The following ZBTB24 variants were observed in gnomAD, a reference collection of about 807,000 sequenced individuals.
The protein encoded by ZBTB24 is zinc finger and BTB domain containing 24.
A neutral mutation model predicts 53.8 loss-of-function variants in ZBTB24; 32 were observed. The observed-to-expected ratio is 0.60, with a 90% confidence interval of 0.45 to 0.80. The LOEUF is 0.80. ZBTB24 is among the 30% of genes least tolerant of loss of function. The pLI, the probability that ZBTB24 is intolerant of heterozygous loss-of-function variation, is 0.00. For synonymous variants in ZBTB24, 297 were observed against 306.7 expected, an observed-to-expected ratio of 0.97 and a Z score of 0.33; for missense variants, 722 against 837.1, an observed-to-expected ratio of 0.86 and a Z score of 1.70.
At chr6:109,473,528 C>T (rs183744832) in intron 5 of ZBTB24, among the ~76,000 whole-genome samples, 2 of 152,330 alleles carry the variant, frequency 1.3e-5, no homozygotes, top group East Asian at 3.9e-4. Flanking sequence ...AAGAGCAACT[C>T]TCTTTCCGGC....
rs749301700 is a variant in ZBTB24 at position 109,481,169 on chromosome 6, T to C, written c.858A>G (p.Arg286=). The change falls in exon 2 of 7, where the codon AGA becomes AGG. Residue 286 remains arginine, a synonymous_variant. Coordinates refer to ENST00000230122, the MANE Select transcript of ZBTB24 (RefSeq NM_014797.3). Reference sequence around the variant, plus strand: ...GGGCCTCAGGGCCTCCAGGGCGCTTTCTCCTTCCACAGATCCTCTTGGCTG... The same window carrying C: ...GGGCCTCAGGGCCTCCAGGGCGCTTCCTCCTTCCACAGATCCTCTTGGCTG... ...HGSAKRICGR[R]KRPGGPEARC... is the part of the protein sequence containing the mutation. The C allele has an allele frequency of 1.5e-5, 24 of 1,614,100 alleles. No homozygotes were observed. Among genetic ancestry groups the C allele is most frequent in the Non-Finnish European group, 1.9e-5 (23 of 1,180,038 alleles).
intron 2 of ZBTB24, among the ~76,000 whole-genome samples, chr6:109,477,624 A>G (rs1776307132): frequency 6.6e-6 from 1 of 152,172 alleles, no homozygotes; most frequent in Non-Finnish European, 1.5e-5. Context: ...CCCCCAAAAG[A>G]GAATGGAGAG....
At chr6:109,479,240 C>G (rs2115364378) in intron 2 of ZBTB24, among the ~76,000 whole-genome samples, 1 of 152,308 alleles carries the variant, frequency 6.6e-6, no homozygotes, top group African/African-American at 2.4e-5. Context: ...ATTCAGAATA[C>G]AGATGCTTCC....
chr6:109,474,732 C>CAAA (rs538851873), intron 5 of ZBTB24, among the ~76,000 whole-genome samples: 195 of 105,636 alleles, frequency 1.8e-3, no homozygotes, highest in Admixed American at 2.2e-3. Context: ...GACTCCGTCT[C>CAAA]AAAAAAAAAA....
At chr6:109,474,309 C>G (rs537924185) in intron 5 of ZBTB24, among the ~76,000 whole-genome samples, 1 of 152,310 alleles carries the variant, frequency 6.6e-6, no homozygotes, top group Admixed American at 6.5e-5. Flanking sequence ...GCCTCCTCGT[C>G]ATCTCTGAAA....
In ZBTB24 at chr6:109,482,909, C is replaced by A. The variant is rs547734977; in HGVS notation, c.-29+189G>T. On this transcript the variant is annotated intron_variant, in intron 1 of 6. Coordinates refer to ENST00000230122, the MANE Select transcript of ZBTB24 (RefSeq NM_014797.3). The stretch of plus-strand genomic sequence containing the variant: ...TTAAGCTGCGTGGGGCCGCCAGACA[C>A]ACTAGGGGCGGCGCGGAGCCCCCCG... Among the ~76,000 whole-genome samples the A allele has an allele frequency of 5.3e-5, 8 of 152,352 alleles. No homozygotes were observed. The East Asian group carries it at 1.5e-3, about 29-fold the overall frequency.
In ZBTB24 at chr6:109,481,227, T is replaced by A. The variant is rs751304056; in HGVS notation, c.800A>T (p.Tyr267Phe). ...GTCCTCTTGATCCCCAACAAGTTTG[T>A]AATCTTTAAGTTTGACGGATCTCCA... Reference protein sequence around the residue: ...RIWRSVKLKDYKLVGDQEDHG... With the variant: ...RIWRSVKLKDFKLVGDQEDHG... The change falls in exon 2 of 7, where the codon TAC (tyrosine) becomes TTC (phenylalanine). Residue 267 changes from tyrosine (Y) to phenylalanine (F), a missense_variant. Tyr to Phe is a conservative substitution (Grantham distance 22, BLOSUM62 3). Coordinates refer to ENST00000230122, the MANE Select transcript of ZBTB24 (RefSeq NM_014797.3). 6.2e-7 allele frequency: 1 copy of A among 1,614,254 alleles called. No individual in the cohort carries two copies. Among genetic ancestry groups the A allele is most frequent in the Admixed American group, 1.7e-5 (1 of 60,030 alleles).
In ZBTB24 at chr6:109,464,124, G is replaced by C. The variant is rs1775976107; in HGVS notation, c.*1727C>G. The C allele has an allele frequency of 6.6e-6, 1 of 152,146 alleles. No homozygotes were observed. Among genetic ancestry groups the C allele is most frequent in the Non-Finnish European group, 1.5e-5 (1 of 68,010 alleles). 9.4% of individuals were successfully genotyped at this position (152,146 alleles called of 1,614,324 possible). ...AATTAAACAGTTTAAACGAGAACCTGAAATAATACTTAGGGCTTAACAGTG... is the reference window on the plus strand; with the variant it reads ...AATTAAACAGTTTAAACGAGAACCTCAAATAATACTTAGGGCTTAACAGTG... On this transcript the variant is annotated 3_prime_UTR_variant, in exon 7 of 7. Coordinates refer to ENST00000230122, the MANE Select transcript of ZBTB24 (RefSeq NM_014797.3).
intron 2 of ZBTB24, among the ~76,000 whole-genome samples, chr6:109,479,554 C>T (rs1247412829): frequency 2.0e-5 from 3 of 152,298 alleles, no homozygotes; most frequent in African/African-American, 4.8e-5. Flanking sequence ...AAGGGAAGAA[C>T]GATCCTACAT....
At chr6:109,474,174 G>A (rs1776229400) in intron 5 of ZBTB24, among the ~76,000 whole-genome samples, 1 of 151,394 alleles carries the variant, frequency 6.6e-6, no homozygotes, top group Non-Finnish European at 1.5e-5. Context: ...TAAATAACCT[G>A]TAATGGCAAG....
rs2232443 is a variant in ZBTB24, at chr6:109,475,609, T to C, written c.1205-127A>G. ...ATATAGTACTTTAACCACAAAAATT[T>C]TTTCATTAATTTGGTAACTGTTAAT... On this transcript the variant is annotated intron_variant, in intron 4 of 6. Transcript: ENST00000230122. 36 of 1,107,268 alleles carry C rather than the reference T, an allele frequency of 3.3e-5. No homozygotes were observed. The African/African-American group carries it at 3.3e-4, about 10-fold the overall frequency. The allele number at this position is 1,107,268 out of a possible 1,614,324, so 68.6% of individuals were successfully genotyped here.
intron 6 of ZBTB24, among the ~76,000 whole-genome samples, chr6:109,467,114 G>C (rs1447538203): frequency 6.6e-6 from 1 of 152,124 alleles, no homozygotes; most frequent in Non-Finnish European, 1.5e-5. Context: ...TTTAAGCTTT[G>C]GACCAATCCG....
chr6:109,481,107 T>C lies in ZBTB24; in HGVS notation c.920A>G (p.His307Arg). 6.2e-7 allele frequency: 1 copy of C among 1,614,170 alleles called. No individual in the cohort carries two copies. Among genetic ancestry groups the C allele is most frequent in the South Asian group, 1.1e-5 (1 of 91,076 alleles). The change falls in exon 2 of 7, where the codon CAC (histidine) becomes CGC (arginine). Residue 307 changes from histidine to arginine, a missense_variant. Coordinates refer to ENST00000230122, the MANE Select transcript of ZBTB24 (RefSeq NM_014797.3). ...GCTCCTCTGGTGGATTGCTAAAAAG[T>C]GATTGTACTTAAAGACCTTGCCACA... ...KDCGKVFKYN[H>R]FLAIHQRSHT... is the part of the protein sequence containing the mutation.
chr6:109,483,132 G>C lies in ZBTB24; in HGVS notation c.-63C>G, dbSNP rs1205288386. 6.6e-6 allele frequency: 1 copy of C among 152,276 alleles called. No individual in the cohort carries two copies. Among genetic ancestry groups the C allele is most frequent in the African/African-American group, 2.4e-5 (1 of 41,540 alleles). The allele number at this position is 152,276 out of a possible 1,614,324, so 9.4% of individuals were successfully genotyped here. A position where few individuals can be genotyped will look rare whatever the true frequency, so the allele number is the denominator to read the frequency against. On this transcript the variant is annotated 5_prime_UTR_variant, in exon 1 of 7. Coordinates refer to ENST00000230122, the MANE Select transcript of ZBTB24 (RefSeq NM_014797.3). ...TGGCGGGAGACCCACGCCGGGGCCC[G>C]CTGGCCCTCCGCTCCGCCCCGCCCG...
chr6:109,479,063 AAG>A (rs1776340615), intron 2 of ZBTB24, among the ~76,000 whole-genome samples: 1 of 152,218 alleles, frequency 6.6e-6, no homozygotes, highest in Admixed American at 6.5e-5. Context: ...TGGAAAATAT[AAG>A]AGAAAATAAA....
chr6:109,465,032 C>A lies in ZBTB24; in HGVS notation c.*819G>T, dbSNP rs943356340. 1 of 152,192 alleles carries A rather than the reference C, an allele frequency of 6.6e-6. No homozygotes were observed. Among genetic ancestry groups the A allele is most frequent in the Admixed American group, 6.5e-5 (1 of 15,286 alleles). The allele number at this position is 152,192 out of a possible 1,614,324, so 9.4% of individuals were successfully genotyped here. On this transcript the variant is annotated 3_prime_UTR_variant, in exon 7 of 7. Transcript: ENST00000230122. ...AAGAAAGCTTTACCTTCATGAAAAT[C>A]AAATCTCTTTTCTGACAAAAATTCA...
At chr6:109,478,385 G>C (rs1776323589) in intron 2 of ZBTB24, among the ~76,000 whole-genome samples, 1 of 152,178 alleles carries the variant, frequency 6.6e-6, no homozygotes, top group Admixed American at 6.5e-5. Context: ...AGTTGGTCTG[G>C]CGATAATTTC....
intron 5 of ZBTB24, among the ~76,000 whole-genome samples, chr6:109,469,586 G>A (rs1310902967): frequency 6.6e-6 from 1 of 152,128 alleles, no homozygotes; most frequent in Non-Finnish European, 1.5e-5. Context: ...CACCTTCAAT[G>A]GAGACACCCA....
At chr6:109,475,966 CA>C (rs1161791525) in intron 4 of ZBTB24, among the ~76,000 whole-genome samples, 1 of 152,178 alleles carries the variant, frequency 6.6e-6, no homozygotes, top group Non-Finnish European at 1.5e-5. Flanking sequence ...TGTGTGGCAC[CA>C]AAACTGTAGT....
Sources: allele counts gnomAD v4.1 joint callset (sites outside exome capture counted in the v4.1 genomes callset), GRCh38; gene constraint gnomAD v4.1.1; transcripts MANE v1.5; gene names NCBI Gene and HGNC (gene_info 2026-07-23, HGNC 2026-07-21).